The following SHISA6 variants were observed in gnomAD, a reference collection of about 807,000 sequenced individuals.
The protein encoded by SHISA6 is shisa family member 6.
SHISA6 carries 22 observed loss-of-function variants against 47.9 expected under a neutral mutation model. The observed-to-expected ratio is 0.46, with a 90% confidence interval of 0.33 to 0.66. SHISA6 has a LOEUF of 0.66. Among genes scored for constraint, SHISA6 ranks in the 30% least tolerant of loss-of-function variants. The probability of loss-of-function intolerance (pLI) is 0.02; values close to 1 mark genes in which losing one functional copy is unlikely to be tolerated. For missense variants in SHISA6, 680 were observed against 764.6 expected (o/e 0.89, Z 1.30); for synonymous variants, 388 against 337.8 (o/e 1.15, Z -1.63).
chr17:11,254,043 G>A (rs1314661478), intron 1 of SHISA6, among the ~76,000 whole-genome samples: 1 of 152,206 alleles, frequency 6.6e-6, no homozygotes, highest in Admixed American at 6.5e-5. Context: ...GGAAGTGGTA[G>A]GAGGCCCTTA....
At chr17:11,318,601 A>C (rs915491475) in intron 2 of SHISA6, among the ~76,000 whole-genome samples, 23 of 152,228 alleles carry the variant, frequency 1.5e-4, no homozygotes, top group Admixed American at 1.0e-3. Flanking sequence ...TCAGAACTGC[A>C]AATGTGCATT....
At chr17:11,288,790 T>C (rs532040244) in intron 2 of SHISA6, 16 of 152,354 alleles carry the variant, frequency 1.1e-4, no homozygotes, top group African/African-American at 3.8e-4. Context: ...ATAACGAGGA[T>C]GATCTTGCCT....
chr17:11,450,807 A>G (rs1330767630), intron 3 of SHISA6, among the ~76,000 whole-genome samples: 1 of 151,968 alleles, frequency 6.6e-6, no homozygotes, highest in Non-Finnish European at 1.5e-5. Context: ...AGAAGAACCA[A>G]TTGGTCGATG....
chr17:11,317,965 C>A (rs1910580318), intron 2 of SHISA6, among the ~76,000 whole-genome samples: 1 of 152,118 alleles, frequency 6.6e-6, no homozygotes, highest in Non-Finnish European at 1.5e-5. Context: ...TCTAACCTGT[C>A]CCTGCCACTC....
At chr17:11,530,446 C>A (rs2071722591) in intron 3 of SHISA6, among the ~76,000 whole-genome samples, 1 of 152,214 alleles carries the variant, frequency 6.6e-6, no homozygotes, top group Non-Finnish European at 1.5e-5. Flanking sequence ...AAAATACACA[C>A]ACACTTCTTT....
At chr17:11,287,610 T>C (rs541128677) in intron 2 of SHISA6, among the ~76,000 whole-genome samples, 8 of 113,300 alleles carry the variant, frequency 7.1e-5, no homozygotes, top group Non-Finnish European at 1.5e-4. Context: ...AGGTCAAGGC[T>C]GCAGTGAGCT....
At chr17:11,345,247 A>G (rs956717153) in intron 2 of SHISA6, among the ~76,000 whole-genome samples, 13 of 152,142 alleles carry the variant, frequency 8.5e-5, no homozygotes, top group African/African-American at 2.4e-4. Context: ...TAGTGCTGCA[A>G]TAAACATGAG....
chr17:11,374,546 G>T (rs1912729821), intron 2 of SHISA6, among the ~76,000 whole-genome samples: 1 of 151,784 alleles, frequency 6.6e-6, no homozygotes, highest in Admixed American at 6.6e-5. Context: ...GTATGTTTAT[G>T]TTTGTATATT....
At chr17:11,523,764 G>T (rs531548331) in intron 3 of SHISA6, among the ~76,000 whole-genome samples, 1 of 152,256 alleles carries the variant, frequency 6.6e-6, no homozygotes, top group East Asian at 1.9e-4. Context: ...CCAGCACTTT[G>T]GGAGGCCGAG....
chr17:11,314,926 A>G (rs1419981700), intron 2 of SHISA6, among the ~76,000 whole-genome samples: 1 of 152,136 alleles, frequency 6.6e-6, no homozygotes, highest in Non-Finnish European at 1.5e-5. Flanking sequence ...TTTACAAAAT[A>G]TTACTGGTTG....
At position 11,424,985 on chromosome 17, in the gene SHISA6, C is replaced by T. The variant is rs552561906; in HGVS notation, c.895+45476C>T. 3.8e-3 allele frequency among the ~76,000 whole-genome samples: 453 copies of T among 119,518 alleles called. 4 individuals are homozygous for T. Among genetic ancestry groups the T allele is most frequent in the African/African-American group, 0.015 (438 of 29,984 alleles). 78.4% of individuals were successfully genotyped at this position (119,518 alleles called of 152,430 possible). On this transcript the variant is annotated intron_variant, in intron 3 of 5. Transcript: ENST00000441885. ...TCGCGCCACTGCACTCCAGCCTGAG[C>T]GACAGAGTGATACTCCGTCTCAAAA...
At chr17:11,279,569 C>A (rs538217304) in intron 2 of SHISA6, among the ~76,000 whole-genome samples, 29 of 152,134 alleles carry the variant, frequency 1.9e-4, no homozygotes, top group African/African-American at 6.7e-4. Context: ...CATGGGAATC[C>A]TGTAAGGTCA....
chr17:11,331,916 ACT>A (rs1911130613), intron 2 of SHISA6, among the ~76,000 whole-genome samples: 1 of 150,628 alleles, frequency 6.6e-6, no homozygotes, highest in Non-Finnish European at 1.5e-5. Flanking sequence ...TGCTCTCCTC[ACT>A]CTGTGGCTCT....
At chr17:11,499,683 C>CTTTTTTTTTTTTTT (rs372464937) in intron 3 of SHISA6, among the ~76,000 whole-genome samples, 27 of 127,550 alleles carry the variant, frequency 2.1e-4, no homozygotes, top group African/African-American at 3.7e-4. Flanking sequence ...CTTTTTCTTT[C>CTTTTTTTTTTTTTT]TTTTTTTTTT....
At chr17:11,535,895 G>A (rs1259020743) in intron 3 of SHISA6, among the ~76,000 whole-genome samples, 1 of 151,968 alleles carries the variant, frequency 6.6e-6, no homozygotes, top group Non-Finnish European at 1.5e-5. Flanking sequence ...ATGTGTGTGT[G>A]TGTGTGTGTG....
chr17:11,335,185 C>T (rs373496826), intron 2 of SHISA6, among the ~76,000 whole-genome samples: 3 of 152,242 alleles, frequency 2.0e-5, no homozygotes, highest in African/African-American at 2.4e-5. Context: ...ATAGCCTTGG[C>T]GGTTGCACAG....
chr17:11,546,737 T>C (rs999583319), intron 3 of SHISA6, among the ~76,000 whole-genome samples: 2 of 152,166 alleles, frequency 1.3e-5, no homozygotes, highest in Non-Finnish European at 2.9e-5. Flanking sequence ...CTGGCCAACA[T>C]GGTGAAACCA....
intron 2 of SHISA6, among the ~76,000 whole-genome samples, chr17:11,374,890 T>C (rs1010003062): frequency 2.0e-5 from 3 of 152,104 alleles, no homozygotes; most frequent in African/African-American, 4.8e-5. Flanking sequence ...GGCGTCATCA[T>C]TGTTTTCATT....
At chr17:11,434,064 CTTT>C (rs1367652038) in intron 3 of SHISA6, among the ~76,000 whole-genome samples, 1 of 138,016 alleles carries the variant, frequency 7.2e-6, no homozygotes, top group Non-Finnish European at 1.6e-5. Context: ...TTTTTTCTCT[CTTT>C]TTTTTTTTTT....
Sources: allele counts gnomAD v4.1 joint callset (sites outside exome capture counted in the v4.1 genomes callset), GRCh38; gene constraint gnomAD v4.1.1; transcripts MANE v1.5; gene names NCBI Gene and HGNC (gene_info 2026-07-23, HGNC 2026-07-21).